Variants in SHROOM3 observed in about 807,000 individuals in gnomAD.
The protein encoded by SHROOM3 is protein Shroom3.
SHROOM3 carries 47 observed loss-of-function variants against 138.6 expected under a neutral mutation model. The observed-to-expected ratio is 0.34, with a 90% CI of 0.27 to 0.43. SHROOM3 has a LOEUF of 0.43. SHROOM3 is among the 20% of genes least tolerant of loss of function. SHROOM3 has a pLI of 1.00. For synonymous variants in SHROOM3, 1,062 were observed against 1,063.3 expected (o/e 1.00, Z 0.02); for missense variants, 2,491 against 2,596.5 (o/e 0.96, Z 0.88).
intron 1 of SHROOM3, among the ~76,000 whole-genome samples, chr4:76,446,900 T>A (rs943030352): frequency 2.0e-5 from 3 of 152,246 alleles, no homozygotes; most frequent in Non-Finnish European, 2.9e-5. Flanking sequence ...TCCAGCTTCA[T>A]CTACTGCTGA....
chr4:76,512,706 C>T (rs538311812), intron 1 of SHROOM3, among the ~76,000 whole-genome samples: 5 of 152,184 alleles, frequency 3.3e-5, no homozygotes, highest in South Asian at 4.2e-4. Flanking sequence ...TGGTAGGGAT[C>T]GGATACTGCA....
At chr4:76,688,428 T>C (rs1180309311) in intron 2 of SHROOM3, 12 of 985,190 alleles carry the variant, frequency 1.2e-5, no homozygotes, top group Non-Finnish European at 1.3e-5. Flanking sequence ...CCTAGTGAGG[T>C]CTTCTCTGTG....
In SHROOM3 at chr4:76,674,554, C is replaced by CTTTTTTTT. The variant is rs11312421; in HGVS notation, c.324-35587_324-35580dup. On this transcript the variant is annotated intron_variant, in intron 2 of 10. Coordinates refer to ENST00000296043, the MANE Select transcript of SHROOM3 (RefSeq NM_020859.4). ...CTTTCTTTCTTTCCTTCCTTCCTTC[C>CTTTTTTTT]TTTTTTTTTTTTTTTTTTTTTTGTT... is the stretch of plus-strand genomic sequence containing the variant. Among the ~76,000 whole-genome samples the CTTTTTTTT allele has an allele frequency of 6.6e-4, 68 of 103,292 alleles. 1 individual carries two copies. Among genetic ancestry groups the CTTTTTTTT allele is most frequent in the East Asian group, 9.6e-4 (3 of 3,112 alleles). The allele number at this position is 103,292 out of a possible 152,430, so 67.8% of individuals were successfully genotyped here.
intron 1 of SHROOM3, among the ~76,000 whole-genome samples, chr4:76,528,178 G>T (rs1027763157): frequency 1.3e-5 from 2 of 152,064 alleles, no homozygotes; most frequent in African/African-American, 4.8e-5. Context: ...AGTGAGCCAA[G>T]AAGTAATTTT....
intron 3 of SHROOM3, among the ~76,000 whole-genome samples, chr4:76,725,782 G>A (rs1720687907): frequency 6.6e-6 from 1 of 152,126 alleles, no homozygotes; most frequent in Non-Finnish European, 1.5e-5. Flanking sequence ...TCCTCCATAA[G>A]CTCATACCCT....
chr4:76,592,592 C>T (rs561174130), intron 2 of SHROOM3, among the ~76,000 whole-genome samples: 5 of 152,224 alleles, frequency 3.3e-5, no homozygotes, highest in South Asian at 4.1e-4. Flanking sequence ...AAGTCTATAT[C>T]GTCACACGTA....
At chr4:76,540,376 C>G (rs1441126856) in intron 1 of SHROOM3, among the ~76,000 whole-genome samples, 1 of 152,160 alleles carries the variant, frequency 6.6e-6, no homozygotes, top group Non-Finnish European at 1.5e-5. Context: ...TATTTTAGTT[C>G]TGCTTGTTGC....
intron 1 of SHROOM3, among the ~76,000 whole-genome samples, chr4:76,524,577 C>T (rs1459077818): frequency 6.6e-6 from 1 of 152,220 alleles, no homozygotes; most frequent in East Asian, 1.9e-4. Flanking sequence ...CAGGGTTTCT[C>T]CCTGCTGCAT....
Position 76,756,981 on chromosome 4 carries a change from C to T in SHROOM3, c.5198+44C>T, listed in dbSNP as rs145175954. The T allele has an allele frequency of 1.7e-4, 271 of 1,612,854 alleles. No homozygotes were observed. The East Asian group carries it at 5.5e-3, about 33-fold the overall frequency. On this transcript the variant is annotated intron_variant, in intron 8 of 10. Transcript: ENST00000296043. ...CCTCAGAGAGACTTACAATCACACT[C>T]CTTCCATGGGGATGATGATAAGTCT...
At chr4:76,678,145 TTC>T (rs1446915141) in intron 2 of SHROOM3, among the ~76,000 whole-genome samples, 4 of 152,322 alleles carry the variant, frequency 2.6e-5, no homozygotes, top group Admixed American at 6.5e-5. Flanking sequence ...TACATTTAAT[TTC>T]TGTTTTTCCT....
At chr4:76,775,816 TACACAC>T (rs142788916) in intron 10 of SHROOM3, among the ~76,000 whole-genome samples, 2 of 149,556 alleles carry the variant, frequency 1.3e-5, no homozygotes, top group Admixed American at 6.7e-5. Flanking sequence ...ACTATATATA[TACACAC>T]ACACACACAC....
At position 76,747,633 on chromosome 4, in the gene SHROOM3, C is replaced by T. The variant is rs572133012; in HGVS notation, c.3754-1384C>T. The stretch of plus-strand genomic sequence containing the variant: ...TACTGGGTTAGGCGCTCACATGGGA[C>T]CTAGGCTTTTCCAATTAATTATTGG... On this transcript the variant is annotated intron_variant, in intron 5 of 10. Transcript: ENST00000296043. Among the ~76,000 whole-genome samples the T allele has an allele frequency of 5.4e-4, 82 of 152,190 alleles. No individual in the cohort carries two copies. The Middle Eastern group carries it at 0.01, about 19-fold the overall frequency.
At chr4:76,665,813 A>T (rs144581892) in intron 2 of SHROOM3, among the ~76,000 whole-genome samples, 64 of 152,248 alleles carry the variant, frequency 4.2e-4, no homozygotes, top group Non-Finnish European at 7.2e-4. Flanking sequence ...TGTAGCATAA[A>T]ATTCAAAACC....
chr4:76,693,775 G>C (rs188201357), intron 2 of SHROOM3, among the ~76,000 whole-genome samples: 1 of 151,178 alleles, frequency 6.6e-6, no homozygotes, highest in African/African-American at 2.4e-5. Flanking sequence ...GGTTTTGCCA[G>C]CAGAAGTAAA....
At chr4:76,528,627 C>A (rs1436630252) in intron 1 of SHROOM3, among the ~76,000 whole-genome samples, 1 of 146,146 alleles carries the variant, frequency 6.8e-6, no homozygotes, top group Non-Finnish European at 1.5e-5. Context: ...CTCACTGCAA[C>A]CTCTACCTTC....
At chr4:76,583,120 C>T (rs1188304238) in intron 2 of SHROOM3, among the ~76,000 whole-genome samples, 1 of 152,180 alleles carries the variant, frequency 6.6e-6, no homozygotes, top group Non-Finnish European at 1.5e-5. Context: ...CAAGATGGGG[C>T]TGTGGGCAGG....
rs749919772 is a variant in SHROOM3, at chr4:76,740,331, G to A, written c.2158G>A (p.Val720Ile). The A allele has an allele frequency of 6.8e-6, 11 of 1,612,992 alleles. No individual in the cohort carries two copies. The highest frequency in any genetic ancestry group is 4.4e-5 in the South Asian group (4 of 91,092). Residue 720 changes from valine to isoleucine, a missense_variant, in exon 5 of 11, where the codon GTT becomes ATT. Around this residue, in one of 4 missense-constraint regions of SHROOM3, gnomAD observed 1,733 missense variants for 1,661.6 expected, o/e 1.04. Transcript: ENST00000296043. The surrounding 1 kb of genome is among the most constrained non-coding windows in gnomAD (Gnocchi z 4.0). ...PDLGSHLDRQ[V>I]SYPRPEGRTG... is the part of the protein sequence containing the mutation. The stretch of plus-strand genomic sequence containing the variant: ...CCTCGGGAGCCATCTGGACCGGCAG[G>A]TTTCCTACCCGCGGCCCGAGGGGAG...
intron 9 of SHROOM3, among the ~76,000 whole-genome samples, chr4:76,762,363 G>T (rs1722014059): frequency 6.6e-6 from 1 of 152,180 alleles, no homozygotes; most frequent in Non-Finnish European, 1.5e-5. Flanking sequence ...CAGTGAGAAG[G>T]TGCCTTATTG....
chr4:76,742,026 T>A, intron 5 of SHROOM3, 100 bp downstream of exon 5: 1 of 1,460,878 alleles, frequency 6.8e-7, no homozygotes, highest in Non-Finnish European at 9.4e-7. Flanking sequence ...GCTCTCCCAG[T>A]TCAGTTTTCC....
Sources: allele counts gnomAD v4.1 joint callset (sites outside exome capture counted in the v4.1 genomes callset), GRCh38; gene constraint gnomAD v4.1.1; regional missense constraint gnomAD v4.1.1; non-coding constraint Gnocchi (gnomAD v3.1); transcripts MANE v1.5; gene names NCBI Gene and HGNC (gene_info 2026-07-23, HGNC 2026-07-21).